DRC5: variants seen among roughly 807,000 people sequenced by gnomAD.
The protein encoded by DRC5 is dynein regulatory complex subunit 5.
the DRC5 span, among the ~76,000 whole-genome samples, chr6:44,280,928 T>A: frequency 6.6e-6 from 1 of 152,202 alleles, no homozygotes; most frequent in Non-Finnish European, 1.5e-5. Context: ...ACCCTCTAAT[T>A]CTGGTTGTGG....
chr6:44,285,448 G>A, the DRC5 span, among the ~76,000 whole-genome samples: 4 of 152,152 alleles, frequency 2.6e-5, no homozygotes, highest in South Asian at 2.1e-4. Flanking sequence ...GGAGTGCAGT[G>A]GTGTGATTGC....
At chr6:44,285,577 A>G in the DRC5 span, among the ~76,000 whole-genome samples, 1 of 152,190 alleles carries the variant, frequency 6.6e-6, no homozygotes, top group South Asian at 2.1e-4. Context: ...GATGTCCTGT[A>G]TTTCTATTTG....
chr6:44,288,461 G>GC, the DRC5 span, among the ~76,000 whole-genome samples: 2 of 152,096 alleles, frequency 1.3e-5, no homozygotes, highest in African/African-American at 4.8e-5. Context: ...TTCATGCTCT[G>GC]AACCCTACAT....
the DRC5 span, among the ~76,000 whole-genome samples, chr6:44,294,144 G>A: frequency 6.6e-6 from 1 of 152,096 alleles, no homozygotes; most frequent in East Asian, 2.0e-4. Context: ...CACCACGGCT[G>A]GCTAATTTTG....
At chr6:44,289,022 A>AG in the DRC5 span, among the ~76,000 whole-genome samples, 2,517 of 136,486 alleles carry the variant, frequency 0.018, 96 homozygotes, top group East Asian at 0.084. Flanking sequence ...AAAAAAAAAA[A>AG]GAAAAACAGG....
the DRC5 span, among the ~76,000 whole-genome samples, chr6:44,288,879 A>G: frequency 6.7e-6 from 1 of 150,316 alleles, no homozygotes; most frequent in South Asian, 2.2e-4. Context: ...CTGTAGTCCC[A>G]GCTACTCGGA....
chr6:44,286,072 C>T, the DRC5 span: 12 of 1,614,082 alleles, frequency 7.4e-6, no homozygotes, highest in African/African-American at 1.3e-4. Flanking sequence ...TGACATCGTA[C>T]ACCAGGTCCA....
At chr6:44,290,010 A>G in the DRC5 span, among the ~76,000 whole-genome samples, 1 of 152,208 alleles carries the variant, frequency 6.6e-6, no homozygotes, top group Non-Finnish European at 1.5e-5. Context: ...CAAGGAGGAA[A>G]AGCCTGGTTG....
the DRC5 span, chr6:44,287,874 A>T: frequency 6.3e-7 from 1 of 1,578,406 alleles, no homozygotes; most frequent in African/African-American, 1.3e-5. Flanking sequence ...TGGCCTTATG[A>T]CAAGAAGCTT....
At chr6:44,289,316 C>T in the DRC5 span, among the ~76,000 whole-genome samples, 2 of 152,004 alleles carry the variant, frequency 1.3e-5, no homozygotes, top group African/African-American at 4.8e-5. Flanking sequence ...GGATTACAGG[C>T]GTGAACCACT....
At chr6:44,282,218 G>A in the DRC5 span, 3 of 1,614,240 alleles carry the variant, frequency 1.9e-6, no homozygotes, top group Admixed American at 5.0e-5. Context: ...TGCCACCGAG[G>A]TGCAGCGTGG....
the DRC5 span, chr6:44,282,127 A>T: frequency 1.9e-6 from 3 of 1,612,772 alleles, no homozygotes; most frequent in Non-Finnish European, 2.5e-6. Context: ...ATGTGGTTGC[A>T]GGACAGGTTG....
chr6:44,289,389 A>G, the DRC5 span, among the ~76,000 whole-genome samples: 2 of 152,204 alleles, frequency 1.3e-5, no homozygotes, highest in Admixed American at 1.3e-4. Flanking sequence ...ATTTAAACAT[A>G]TAATCAATAT....
the DRC5 span, chr6:44,282,680 C>CATGCTGGT: frequency 2.8e-6 from 2 of 725,502 alleles, no homozygotes; most frequent in African/African-American, 1.8e-5. Context: ...TGGAGGGGGC[C>CATGCTGGT]AGGCCTACCA....
At chr6:44,282,866 G>A in the DRC5 span, among the ~76,000 whole-genome samples, 7 of 140,368 alleles carry the variant, frequency 5.0e-5, no homozygotes, top group African/African-American at 1.6e-4. Context: ...GCAGTGGCGT[G>A]ATCTTGGCTC....
chr6:44,286,214 G>A, the DRC5 span: 1 of 1,611,736 alleles, frequency 6.2e-7, no homozygotes. Flanking sequence ...GAGCTGCACC[G>A]GCGGAAGGAA....
chr6:44,283,523 CCTCT>C, the DRC5 span, among the ~76,000 whole-genome samples: 15 of 152,078 alleles, frequency 9.9e-5, no homozygotes, highest in East Asian at 2.9e-3. Context: ...GAGTGTCTGG[CCTCT>C]CTCTCTCTAC....
the DRC5 span, among the ~76,000 whole-genome samples, chr6:44,281,392 A>C: frequency 1.3e-5 from 2 of 150,476 alleles, no homozygotes; most frequent in Non-Finnish European, 3.0e-5. Flanking sequence ...TGTAAATTGC[A>C]TTTTTTTTTT....
At chr6:44,294,218 G>A in the DRC5 span, among the ~76,000 whole-genome samples, 9 of 152,096 alleles carry the variant, frequency 5.9e-5, no homozygotes, top group South Asian at 2.1e-4. Flanking sequence ...TCGACCTCAG[G>A]TGATCTGCCC....
Sources: gnomAD v4.1 joint callset for allele counts (sites outside exome capture counted in the v4.1 genomes callset) on GRCh38, gnomAD v4.1.1 for gene constraint, MANE v1.5 for transcripts, NCBI Gene and HGNC (gene_info 2026-07-23, HGNC 2026-07-21) for gene names.